DIRAS2: variants seen among roughly 807,000 people sequenced by gnomAD.
DIRAS2 encodes the protein GTP-binding protein Di-Ras2.
DIRAS2 carries 5 observed loss-of-function variants against 13.9 expected under a neutral mutation model. The ratio of observed to expected loss-of-function variants is 0.36; its 90% CI spans 0.19 to 0.76. DIRAS2 has a LOEUF of 0.76. Ranked by LOEUF, DIRAS2 falls within the 30% of genes least tolerant of loss-of-function variation. DIRAS2 has a pLI of 0.53. For missense variants in DIRAS2, 191 were observed against 263.0 expected (o/e 0.73, Z 1.89); for synonymous variants, 111 against 105.4 (o/e 1.05, Z -0.33).
Position 90,611,422 on chromosome 9 carries a change from C to G in DIRAS2, c.*1806G>C, listed in dbSNP as rs1318517226. On this transcript the variant is annotated 3_prime_UTR_variant, in exon 2 of 2. Coordinates refer to ENST00000375765, the MANE Select transcript of DIRAS2 (RefSeq NM_017594.5). ...AGTCAAGCAGTTCTCAAAGGCACCTCCCACGCTCTAAACACATCCCAAGGG... is the reference window on the plus strand; with the variant it reads ...AGTCAAGCAGTTCTCAAAGGCACCTGCCACGCTCTAAACACATCCCAAGGG... The G allele has an allele frequency of 6.6e-6, 1 of 152,202 alleles. No homozygotes were observed. The highest frequency in any genetic ancestry group is 1.5e-5 in the Non-Finnish European group (1 of 68,102). 9.4% of individuals were successfully genotyped at this position (152,202 alleles called of 1,614,324 possible).
rs925532638 is a variant in DIRAS2 at position 90,615,622 on chromosome 9, C to T, written c.-36-1759G>A. 5.9e-5 allele frequency among the ~76,000 whole-genome samples: 9 copies of T among 152,186 alleles called. No individual in the cohort carries two copies. The South Asian group carries it at 6.2e-4, about 11-fold the overall frequency. On this transcript the variant is annotated intron_variant, in intron 1 of 1. Coordinates refer to ENST00000375765, the MANE Select transcript of DIRAS2 (RefSeq NM_017594.5). The stretch of plus-strand genomic sequence containing the variant: ...AAATAATTTTAAAAGCAATCTACTT[C>T]TTACAGTTCTGGAGGATGGTAAGTC...
rs1825114332 is a variant in DIRAS2, at chr9:90,611,598, G to C, written c.*1630C>G. 2 of 152,368 alleles carry C rather than the reference G, an allele frequency of 1.3e-5. No individual in the cohort carries two copies. The highest frequency in any genetic ancestry group is 1.3e-4 in the Admixed American group (2 of 15,288). The allele number at this position is 152,368 out of a possible 1,614,324, so 9.4% of individuals were successfully genotyped here. A position where few individuals can be genotyped will look rare whatever the true frequency, so the allele number is the denominator to read the frequency against. On this transcript the variant is annotated 3_prime_UTR_variant, in exon 2 of 2. Transcript: ENST00000375765. Reference sequence around the variant, plus strand: ...GCTGCTGCAAGCCCTGCATAGGAGGGACAGGAGAAACAGCAGTTGCAGGAG... The same window carrying C: ...GCTGCTGCAAGCCCTGCATAGGAGGCACAGGAGAAACAGCAGTTGCAGGAG...
chr9:90,625,788 A>G (rs1825262874), intron 1 of DIRAS2: 1 of 152,194 alleles, frequency 6.6e-6, no homozygotes, highest in East Asian at 1.9e-4. Context: ...AAGATCTTTT[A>G]TCTATATGAG....
intron 1 of DIRAS2, among the ~76,000 whole-genome samples, chr9:90,619,285 C>CA (rs1271775095): frequency 1.3e-5 from 2 of 151,052 alleles, no homozygotes; most frequent in Admixed American, 6.6e-5. Context: ...ACTGAAAATA[C>CA]AAAAAAAATT....
chr9:90,629,235 T>G (rs1825301824), intron 1 of DIRAS2, among the ~76,000 whole-genome samples: 2 of 152,254 alleles, frequency 1.3e-5, no homozygotes, highest in African/African-American at 4.8e-5. Context: ...CATATGTGGT[T>G]CACACGGTCG....
intron 1 of DIRAS2, among the ~76,000 whole-genome samples, chr9:90,629,106 G>A (rs996883731): frequency 2.0e-5 from 3 of 152,036 alleles, no homozygotes; most frequent in Non-Finnish European, 4.4e-5. Context: ...TGCCCGCCTC[G>A]GCCTCCCAAA....
intron 1 of DIRAS2, among the ~76,000 whole-genome samples, chr9:90,642,029 G>A (rs1825423076): frequency 6.6e-6 from 1 of 152,238 alleles, no homozygotes; most frequent in South Asian, 2.1e-4. Flanking sequence ...CACATAGAAT[G>A]TGAATTGGAG....
chr9:90,633,949 A>C (rs1451942937), intron 1 of DIRAS2, among the ~76,000 whole-genome samples: 3 of 152,248 alleles, frequency 2.0e-5, no homozygotes, highest in East Asian at 3.8e-4. Flanking sequence ...TACATGGTAC[A>C]CAGTTTTGAT....
chr9:90,614,004 T>A, intron 1 of DIRAS2, 141 bp from the exon 2 acceptor site: 1 of 928,550 alleles, frequency 1.1e-6, no homozygotes, highest in Non-Finnish European at 1.5e-6. Flanking sequence ...TCCAATAAAT[T>A]TGGTCAATCC....
chr9:90,636,027 CTTTTT>C (rs1172661795), intron 1 of DIRAS2, among the ~76,000 whole-genome samples: 145 of 66,246 alleles, frequency 2.2e-3, no homozygotes, highest in Middle Eastern at 0.021. Flanking sequence ...ACTGAATATT[CTTTTT>C]TTTTTTTTTT....
intron 1 of DIRAS2, among the ~76,000 whole-genome samples, chr9:90,615,790 G>T (rs2118540982): frequency 6.6e-6 from 1 of 152,266 alleles, no homozygotes; most frequent in Non-Finnish European, 1.5e-5. Context: ...GACAGGCATT[G>T]CCCAGCCTCC....
intron 1 of DIRAS2, among the ~76,000 whole-genome samples, chr9:90,618,980 A>G (rs1825194445): frequency 6.6e-6 from 1 of 152,146 alleles, no homozygotes; most frequent in African/African-American, 2.4e-5. Context: ...TGTCTCTAAA[A>G]ATACAAAAAT....
chr9:90,626,543 A>T (rs1378578105), intron 1 of DIRAS2, among the ~76,000 whole-genome samples: 1 of 152,184 alleles, frequency 6.6e-6, no homozygotes, highest in East Asian at 1.9e-4. Context: ...ATCATTAGTC[A>T]TTAGGGAAAT....
intron 1 of DIRAS2, among the ~76,000 whole-genome samples, chr9:90,620,090 G>A (rs1825205773): frequency 6.6e-6 from 1 of 152,134 alleles, no homozygotes; most frequent in Non-Finnish European, 1.5e-5. Flanking sequence ...TTCTTTGGGG[G>A]AAATGAAGTG....
chr9:90,630,007 A>G (rs538723394), intron 1 of DIRAS2, among the ~76,000 whole-genome samples: 82 of 152,384 alleles, frequency 5.4e-4, no homozygotes, highest in African/African-American at 1.9e-3. Flanking sequence ...TTCTCTTTCA[A>G]CAATAAGATA....
intron 1 of DIRAS2, among the ~76,000 whole-genome samples, chr9:90,618,637 A>G (rs1410042476): frequency 6.6e-6 from 1 of 152,214 alleles, no homozygotes; most frequent in Non-Finnish European, 1.5e-5. Flanking sequence ...GTTATAAATC[A>G]TATATCTGAT....
At chr9:90,639,878 T>C (rs1825403157) in intron 1 of DIRAS2, among the ~76,000 whole-genome samples, 1 of 152,224 alleles carries the variant, frequency 6.6e-6, no homozygotes, top group Admixed American at 6.5e-5. Context: ...TTATTTTTGA[T>C]AGCGCTTAGT....
At chr9:90,639,312 G>T (rs1308697184) in intron 1 of DIRAS2, among the ~76,000 whole-genome samples, 2 of 152,114 alleles carry the variant, frequency 1.3e-5, no homozygotes, top group Non-Finnish European at 2.9e-5. Flanking sequence ...TATAAAGCAT[G>T]AGATTTCACC....
chr9:90,635,077 T>A (rs530661010), intron 1 of DIRAS2, among the ~76,000 whole-genome samples: 2 of 152,320 alleles, frequency 1.3e-5, no homozygotes, highest in East Asian at 3.9e-4. Flanking sequence ...CACAGAGAAT[T>A]GTTGCACAAC....
Sources: gnomAD v4.1 joint callset for allele counts (sites outside exome capture counted in the v4.1 genomes callset) on GRCh38, gnomAD v4.1.1 for gene constraint, MANE v1.5 for transcripts, NCBI Gene and HGNC (gene_info 2026-07-23, HGNC 2026-07-21) for gene names.